The following SAMD4A variants were observed in gnomAD, a reference collection of about 807,000 sequenced individuals.
SAMD4A encodes the protein protein Smaug homolog 1.
A neutral mutation model predicts 81.3 loss-of-function variants in SAMD4A; 33 were observed. The observed-to-expected ratio is 0.41, with a 90% confidence interval of 0.31 to 0.54. SAMD4A has a LOEUF of 0.54. Ranked by LOEUF, SAMD4A falls within the 20% of genes least tolerant of loss-of-function variation. The pLI is 0.37. For missense variants in SAMD4A, 854 were observed against 951.1 expected (o/e 0.90, Z 1.34); for synonymous variants, 389 against 382.1 (o/e 1.02, Z -0.21).
At chr14:54,760,914 A>G (rs1161330529) in intron 7 of SAMD4A, among the ~76,000 whole-genome samples, 1 of 152,222 alleles carries the variant, frequency 6.6e-6, no homozygotes, top group East Asian at 1.9e-4. Context: ...AGGGGCACAG[A>G]CGCCTTTAGC....
chr14:54,679,556 G>T (rs1268179354), intron 2 of SAMD4A, among the ~76,000 whole-genome samples: 2 of 152,180 alleles, frequency 1.3e-5, no homozygotes, highest in Non-Finnish European at 2.9e-5. Flanking sequence ...GTTTATAGGA[G>T]TGAAGGTCTT....
intron 2 of SAMD4A, among the ~76,000 whole-genome samples, chr14:54,568,735 ATATATAAT>A (rs2033037895): frequency 9.4e-6 from 1 of 106,764 alleles, no homozygotes; most frequent in Non-Finnish European, 1.9e-5. Flanking sequence ...ATATATATAT[ATATATAAT>A]GCGGTTAAGC....
chr14:54,580,880 A>G (rs1484736938), intron 2 of SAMD4A, among the ~76,000 whole-genome samples: 3 of 152,214 alleles, frequency 2.0e-5, no homozygotes, highest in Non-Finnish European at 4.4e-5. Flanking sequence ...AAGAAATTTA[A>G]CTGACATCCG....
At chr14:54,659,781 T>G (rs2035598750) in intron 2 of SAMD4A, among the ~76,000 whole-genome samples, 1 of 152,172 alleles carries the variant, frequency 6.6e-6, no homozygotes, top group African/African-American at 2.4e-5. Flanking sequence ...TGGAAACTAC[T>G]TGTGCTGCAA....
chr14:54,651,005 A>G (rs2035391548), intron 2 of SAMD4A, among the ~76,000 whole-genome samples: 1 of 152,206 alleles, frequency 6.6e-6, no homozygotes, highest in Non-Finnish European at 1.5e-5. Flanking sequence ...CACTTTCTGG[A>G]TATTCGCAGA....
rs773219934 is a variant in SAMD4A, at chr14:54,784,433, AG to A, written c.2045-103del. On this transcript the variant is annotated intron_variant, in intron 11 of 12. Coordinates refer to ENST00000554335, the MANE Select transcript of SAMD4A (RefSeq NM_015589.6). ...TCCATGCCAGCGCTGACAGTCCCCA[AG>A]TCCTCCCAGGGAGGTACACCAGACC... 1.9e-6 allele frequency: 3 copies of A among 1,611,990 alleles called. No individual in the cohort carries two copies. The Admixed American group carries it at 5.0e-5, about 27-fold the overall frequency.
chr14:54,706,495 C>T (rs570475210), intron 3 of SAMD4A, among the ~76,000 whole-genome samples: 12 of 151,334 alleles, frequency 7.9e-5, no homozygotes, highest in East Asian at 7.8e-4. Flanking sequence ...ATCCCAGCTA[C>T]GCAGAAGGTT....
chr14:54,705,668 C>T (rs755998507), intron 3 of SAMD4A, among the ~76,000 whole-genome samples: 30 of 152,108 alleles, frequency 2.0e-4, no homozygotes, highest in Non-Finnish European at 3.7e-4. Flanking sequence ...CCTTAGCATT[C>T]GTGGCTTCCT....
intron 2 of SAMD4A, among the ~76,000 whole-genome samples, chr14:54,590,858 G>T (rs2033755242): frequency 6.6e-6 from 1 of 152,202 alleles, no homozygotes; most frequent in Non-Finnish European, 1.5e-5. Context: ...AAATGTTCAA[G>T]GGTGCTTTTA....
intron 2 of SAMD4A, among the ~76,000 whole-genome samples, chr14:54,690,694 A>G (rs180939831): frequency 3.9e-5 from 6 of 152,232 alleles, no homozygotes; most frequent in Admixed American, 6.5e-5. Flanking sequence ...GGCCATATAC[A>G]TTGATAGGAA....
intron 2 of SAMD4A, among the ~76,000 whole-genome samples, chr14:54,675,591 A>C (rs889794449): frequency 2.6e-5 from 4 of 152,160 alleles, no homozygotes; most frequent in African/African-American, 7.2e-5. Flanking sequence ...TAAATGTGAG[A>C]TTTAGGAACT....
At chr14:54,565,340 C>A (rs979710065), upstream of SAMD4A, among the ~76,000 whole-genome samples, 3 of 152,262 alleles carry the variant, frequency 2.0e-5, no homozygotes, top group Non-Finnish European at 2.9e-5. The surrounding 1 kb of genome is among the most constrained non-coding windows in gnomAD (Gnocchi z 5.4). Flanking sequence ...GCGCGCCAGG[C>A]ACAGCTCCCC....
chr14:54,760,231 A>G lies in SAMD4A; in HGVS notation c.1247A>G (p.Lys416Arg). ...ELHQMILTPI[K>R]AYSSPSTTPE... ...CACCAGATGATCCTGACTCCGATCA[A>G]GGCCTACAGCTCCCCGAGCACCACC... Residue 416 changes from lysine to arginine, a missense_variant, in exon 7 of 13, where the codon AAG (lysine) becomes AGG (arginine). Physicochemically the swap from Lys to Arg is conservative, Grantham distance 26 (BLOSUM62 2). Around this residue, in one of 3 missense-constraint regions of SAMD4A, gnomAD observed 428 missense variants for 471.2 expected, o/e 0.91. Transcript: ENST00000554335. 6.2e-7 allele frequency: 1 copy of G among 1,613,350 alleles called. No homozygotes were observed. The highest frequency in any genetic ancestry group is 8.5e-7 in the Non-Finnish European group (1 of 1,179,906).
chr14:54,565,670 C>G (rs1323675136), upstream of SAMD4A, among the ~76,000 whole-genome samples: 1 of 152,022 alleles, frequency 6.6e-6, no homozygotes, highest in Non-Finnish European at 1.5e-5. The surrounding 1 kb of genome is among the most constrained non-coding windows in gnomAD (Gnocchi z 5.4). Flanking sequence ...GTCAGCCGAG[C>G]GGACGAACCA....
intron 2 of SAMD4A, among the ~76,000 whole-genome samples, chr14:54,654,037 C>T (rs570828279): frequency 2.0e-5 from 3 of 152,284 alleles, no homozygotes; most frequent in South Asian, 4.1e-4. Flanking sequence ...AAGACACAAA[C>T]GATGGAGTAC....
chr14:54,671,133 A>G (rs573790105), intron 2 of SAMD4A, among the ~76,000 whole-genome samples: 7 of 152,368 alleles, frequency 4.6e-5, no homozygotes, highest in African/African-American at 1.7e-4. Context: ...AGTGAGGCAG[A>G]AAATGGTTAG....
chr14:54,786,869 A>C (rs1475340318), intron 12 of SAMD4A, among the ~76,000 whole-genome samples: 1 of 152,130 alleles, frequency 6.6e-6, no homozygotes, highest in Non-Finnish European at 1.5e-5. Flanking sequence ...TAATGTTTTC[A>C]TCTTGTTAAT....
intron 11 of SAMD4A, among the ~76,000 whole-genome samples, chr14:54,783,277 C>A (rs2039048298): frequency 6.6e-6 from 1 of 152,070 alleles, no homozygotes; most frequent in African/African-American, 2.4e-5. Context: ...AAGGCCAGGG[C>A]TGGGCGCTGT....
intron 2 of SAMD4A, among the ~76,000 whole-genome samples, chr14:54,695,251 T>G (rs114589686): frequency 1.9e-3 from 292 of 152,324 alleles, no homozygotes; most frequent in African/African-American, 6.6e-3. Flanking sequence ...GGGTCAGCAA[T>G]TTAGAACAGC....
Sources: gnomAD v4.1 joint callset for allele counts (sites outside exome capture counted in the v4.1 genomes callset) on GRCh38, gnomAD v4.1.1 for gene constraint, gnomAD v4.1.1 regional missense constraint, Gnocchi (gnomAD v3.1) non-coding constraint, MANE v1.5 for transcripts, NCBI Gene and HGNC (gene_info 2026-07-23, HGNC 2026-07-21) for gene names.